The following PITPNM2 variants were observed in gnomAD, a reference collection of about 807,000 sequenced individuals.
PITPNM2 encodes membrane-associated phosphatidylinositol transfer protein 2.
A neutral mutation model predicts 132.2 loss-of-function variants in PITPNM2; 35 were observed. That is an observed-to-expected ratio of 0.26 (90% CI 0.20 to 0.35). The LOEUF (loss-of-function observed/expected upper bound fraction) is 0.35. PITPNM2 is among the 10% of genes least tolerant of loss of function. The pLI, the probability that PITPNM2 is intolerant of heterozygous loss-of-function variation, is 1.00. For missense variants in PITPNM2, 1,332 were observed against 1,912.0 expected, an observed-to-expected ratio of 0.70 and a Z score of 5.66; for synonymous variants, 738 against 799.2, an observed-to-expected ratio of 0.92 and a Z score of 1.29.
intron 2 of PITPNM2, among the ~76,000 whole-genome samples, chr12:123,047,486 G>A (rs1305005257): frequency 2.6e-5 from 4 of 152,160 alleles, no homozygotes; most frequent in Non-Finnish European, 5.9e-5. Flanking sequence ...TCCCCTAGGT[G>A]GCTTAGATCA....
At chr12:123,072,062 C>G (rs1566278226) in intron 2 of PITPNM2, among the ~76,000 whole-genome samples, 1 of 152,182 alleles carries the variant, frequency 6.6e-6, no homozygotes, top group Non-Finnish European at 1.5e-5. Context: ...CTTGACAAAG[C>G]CTGTTCACAG....
intron 3 of PITPNM2, among the ~76,000 whole-genome samples, chr12:123,026,201 A>G (rs2039857459): frequency 6.6e-6 from 1 of 152,224 alleles, no homozygotes; most frequent in Non-Finnish European, 1.5e-5. Context: ...AGGACTACCT[A>G]TCTGTCCATG....
Position 123,034,619 on chromosome 12 carries a change from G to C in PITPNM2, c.-29C>G. The C allele has an allele frequency of 1.2e-6, 2 of 1,603,726 alleles. No individual in the cohort carries two copies. The highest frequency in any genetic ancestry group is 3.3e-5 in the Admixed American group (2 of 60,006). ...GGAGTCCAAGCCTTCCCGTCGATGG[G>C]GAACTGCAAGTTGGGACTTCTAGGC... On this transcript the variant is annotated 5_prime_UTR_variant, in exon 3 of 26. Coordinates refer to ENST00000320201, the MANE Select transcript of PITPNM2 (RefSeq NM_020845.3).
At chr12:123,096,823 C>T (rs2042422241) in intron 2 of PITPNM2, among the ~76,000 whole-genome samples, 1 of 152,148 alleles carries the variant, frequency 6.6e-6, no homozygotes, top group African/African-American at 2.4e-5. Flanking sequence ...AGTCAGGAGC[C>T]ACCCAGCAGG....
At chr12:123,074,765 T>G (rs2041728701) in intron 2 of PITPNM2, among the ~76,000 whole-genome samples, 1 of 152,006 alleles carries the variant, frequency 6.6e-6, no homozygotes, top group African/African-American at 2.4e-5. Context: ...ACCCAGAGGC[T>G]CCCCTGCAGA....
chr12:122,987,260 G>T, intron 23 of PITPNM2, 21 bp downstream of exon 23: 5 of 1,609,014 alleles, frequency 3.1e-6, no homozygotes, highest in Non-Finnish European at 4.2e-6. Context: ...CAGCCCCTTT[G>T]TGCCCCTCTG....
chr12:123,124,719 C>G (rs1226380238), intron 1 of PITPNM2, among the ~76,000 whole-genome samples: 1 of 152,184 alleles, frequency 6.6e-6, no homozygotes, highest in African/African-American at 2.4e-5. Context: ...ATCCCTCCCC[C>G]ATCCCCCAAC....
intron 2 of PITPNM2, among the ~76,000 whole-genome samples, chr12:123,096,879 G>A (rs915447903): frequency 2.6e-5 from 4 of 152,092 alleles, no homozygotes; most frequent in Admixed American, 1.3e-4. Context: ...AGGTCTCCCC[G>A]GCCCCTCTGC....
At chr12:123,044,675 A>G (rs1284815141) in intron 2 of PITPNM2, among the ~76,000 whole-genome samples, 4 of 151,942 alleles carry the variant, frequency 2.6e-5, no homozygotes, top group Non-Finnish European at 5.9e-5. Context: ...CTGACAGGAC[A>G]CTCCAGGAGG....
rs2041100038 is a variant in PITPNM2, at chr12:123,058,028, G to A, written c.-95-23343C>T. On this transcript the variant is annotated intron_variant, in intron 2 of 25. Transcript: ENST00000320201. The surrounding 1 kb of genome is among the most constrained non-coding windows in gnomAD (Gnocchi z 4.0). ...CCTGACAGGTGCTACCTCCTCTCTG[G>A]GCCACTAGGCAGCAAAAAACAAACT... is the stretch of plus-strand genomic sequence containing the variant. 6.6e-6 allele frequency among the ~76,000 whole-genome samples: 1 copy of A among 152,080 alleles called. No individual in the cohort carries two copies. The highest frequency in any genetic ancestry group is 1.5e-5 in the Non-Finnish European group (1 of 68,010).
At chr12:123,121,984 A>G (rs1296721191) in intron 1 of PITPNM2, among the ~76,000 whole-genome samples, 1 of 152,002 alleles carries the variant, frequency 6.6e-6, no homozygotes, top group East Asian at 1.9e-4. Context: ...CCTCACAAGT[A>G]TTATAGTTGG....
intron 4 of PITPNM2, among the ~76,000 whole-genome samples, chr12:123,013,328 C>T (rs945951457): frequency 3.3e-5 from 5 of 152,248 alleles, no homozygotes; most frequent in Non-Finnish European, 5.9e-5. Context: ...ATAAGCTACA[C>T]ACTGCAGGGC....
chr12:123,087,082 C>T (rs1265080366), intron 2 of PITPNM2, among the ~76,000 whole-genome samples: 2 of 152,136 alleles, frequency 1.3e-5, no homozygotes, highest in Non-Finnish European at 2.9e-5. Flanking sequence ...TTCCTCAGAC[C>T]CTCAGAGAGC....
intron 2 of PITPNM2, among the ~76,000 whole-genome samples, chr12:123,067,003 C>G (rs1275373031): frequency 6.6e-6 from 1 of 151,974 alleles, no homozygotes; most frequent in Non-Finnish European, 1.5e-5. Context: ...AGTGCAGCCC[C>G]CTCCCCAAAT....
chr12:123,112,272 G>C (rs754935184), intron 1 of PITPNM2, among the ~76,000 whole-genome samples: 2 of 152,164 alleles, frequency 1.3e-5, no homozygotes, highest in Non-Finnish European at 2.9e-5. Context: ...AAAATGTGCT[G>C]CTGGCTAACT....
intron 2 of PITPNM2, among the ~76,000 whole-genome samples, chr12:123,051,004 A>G (rs566693290): frequency 5.6e-4 from 86 of 152,216 alleles, no homozygotes; most frequent in Non-Finnish European, 8.1e-4. Context: ...TCCAACTCCA[A>G]GCGATGCCAT....
At chr12:123,067,370 C>T (rs542570614) in intron 2 of PITPNM2, among the ~76,000 whole-genome samples, 14 of 152,036 alleles carry the variant, frequency 9.2e-5, no homozygotes, top group South Asian at 2.1e-4. Flanking sequence ...GCAGGAGAAT[C>T]GCTTGAACCC....
chr12:123,040,299 G>C (rs1401680980), intron 2 of PITPNM2, among the ~76,000 whole-genome samples: 1 of 152,138 alleles, frequency 6.6e-6, no homozygotes, highest in Admixed American at 6.6e-5. Context: ...AGCTTTGGAA[G>C]TGGTAGTGGT....
rs1163872651 is a variant in PITPNM2, at chr12:122,983,503, G to A, written c.*2524C>T. The A allele has an allele frequency of 1.3e-5, 2 of 152,692 alleles. No homozygotes were observed. The highest frequency in any genetic ancestry group is 2.9e-5 in the Non-Finnish European group (2 of 68,152). The allele number at this position is 152,692 out of a possible 1,614,324, so 9.5% of individuals were successfully genotyped here. A position where few individuals can be genotyped will look rare whatever the true frequency, so the allele number is the denominator to read the frequency against. On this transcript the variant is annotated 3_prime_UTR_variant, in exon 26 of 26. Transcript: ENST00000320201. Reference sequence around the variant, plus strand: ...AGGAAGCCTTCCCGCTTCTTTAATTGGTGTAACAGACATGACGTTGTATAC... The same window carrying A: ...AGGAAGCCTTCCCGCTTCTTTAATTAGTGTAACAGACATGACGTTGTATAC...
Sources: gnomAD v4.1 joint callset for allele counts (sites outside exome capture counted in the v4.1 genomes callset) on GRCh38, gnomAD v4.1.1 for gene constraint, Gnocchi (gnomAD v3.1) non-coding constraint, MANE v1.5 for transcripts, NCBI Gene and HGNC (gene_info 2026-07-23, HGNC 2026-07-21) for gene names.